Variants in IL1RAPL1 observed in about 807,000 individuals in gnomAD.
IL1RAPL1 encodes interleukin 1 receptor accessory protein like 1.
A neutral mutation model predicts 48.4 loss-of-function variants in IL1RAPL1; 3 were observed. The ratio of observed to expected loss-of-function variants is 0.06; its 90% CI spans 0.03 to 0.16. The LOEUF is 0.16. Among genes scored for constraint, IL1RAPL1 ranks in the 10% least tolerant of loss-of-function variants. The pLI is 1.00. For synonymous variants in IL1RAPL1, 185 were observed against 187.7 expected, an observed-to-expected ratio of 0.99 and a Z score of 0.12; for missense variants, 349 against 530.6, an observed-to-expected ratio of 0.66 and a Z score of 3.36.
rs182141610 is a variant in IL1RAPL1, at chrX:29,803,048, T to G, written c.779-114416T>G. Among the ~76,000 whole-genome samples the G allele has an allele frequency of 5.9e-3, 484 of 82,562 alleles. 24 individuals are homozygous for G. Among genetic ancestry groups the G allele is most frequent in the African/African-American group, 0.022 (453 of 20,260 alleles). 71.7% of individuals were successfully genotyped at this position (82,562 alleles called of 115,157 possible). ...ATACATGTATGCATATATACATATA[T>G]GTGTACATATATATGTATGCATGTA... On this transcript the variant is annotated intron_variant, in intron 6 of 10. Coordinates refer to ENST00000378993, the MANE Select transcript of IL1RAPL1 (RefSeq NM_014271.4).
chrX:28,956,256 C>T (rs1601976588), intron 2 of IL1RAPL1, among the ~76,000 whole-genome samples: 1 of 107,551 alleles, frequency 9.3e-6, no homozygotes, highest in Non-Finnish European at 1.9e-5. Flanking sequence ...CCTTTATTTC[C>T]TTCTCCTGCC....
intron 2 of IL1RAPL1, among the ~76,000 whole-genome samples, chrX:28,962,394 G>C (rs1484905986): frequency 3.6e-5 from 4 of 111,603 alleles, no homozygotes; most frequent in African/African-American, 1.3e-4. Context: ...TGTGGTTTCA[G>C]ATAATTTTCT....
chrX:29,887,846 C>T (rs1001576429), intron 6 of IL1RAPL1, among the ~76,000 whole-genome samples: 1 of 110,986 alleles, frequency 9.0e-6, no homozygotes, highest in Non-Finnish European at 1.9e-5. Flanking sequence ...GGCTTGGATC[C>T]ACTGGTTAGT....
chrX:29,283,431 G>C (rs1317889451), intron 3 of IL1RAPL1, among the ~76,000 whole-genome samples: 1 of 112,013 alleles, frequency 8.9e-6, no homozygotes, highest in Non-Finnish European at 1.9e-5. Context: ...GATACCATCT[G>C]GGTAGCTACT....
intron 6 of IL1RAPL1, among the ~76,000 whole-genome samples, chrX:29,832,705 GTT>G (rs67136004): frequency 9.4e-5 from 8 of 85,031 alleles, no homozygotes; most frequent in Admixed American, 1.4e-4. Context: ...TTTTGTTTTT[GTT>G]TTTTTTTTTT....
At chrX:29,265,475 TTTA>T (rs1286502905) in intron 2 of IL1RAPL1, among the ~76,000 whole-genome samples, 43 of 109,063 alleles carry the variant, frequency 3.9e-4, no homozygotes, top group African/African-American at 1.4e-3. Flanking sequence ...ATTTTTTTAT[TTTA>T]TTATTATTAT....
intron 1 of IL1RAPL1, among the ~76,000 whole-genome samples, chrX:28,631,127 A>G (rs977182929): frequency 8.9e-6 from 1 of 111,825 alleles, no homozygotes; most frequent in Non-Finnish European, 1.9e-5. Flanking sequence ...GCCTCTTGAG[A>G]AGCCATACAG....
intron 6 of IL1RAPL1, among the ~76,000 whole-genome samples, chrX:29,783,591 G>A (rs1243236211): frequency 1.8e-5 from 2 of 111,932 alleles, no homozygotes; most frequent in East Asian, 5.7e-4. Flanking sequence ...AAATCATAAT[G>A]TCTAGAAAGG....
chrX:28,836,964 A>G (rs1191066756), intron 2 of IL1RAPL1, among the ~76,000 whole-genome samples: 1 of 110,022 alleles, frequency 9.1e-6, no homozygotes, highest in African/African-American at 3.3e-5. Flanking sequence ...TGTGGTTGGC[A>G]CCTTGAAAAA....
In IL1RAPL1 at chrX:29,381,833, A is replaced by AATATAT. The variant is rs35091339; in HGVS notation, c.363-14399_363-14394dup. On this transcript the variant is annotated intron_variant, in intron 3 of 10. Coordinates refer to ENST00000378993, the MANE Select transcript of IL1RAPL1 (RefSeq NM_014271.4). The stretch of plus-strand genomic sequence containing the variant: ...TGTTGCCAAAAAAAAAAAAAAAAAA[A>AATATAT]ATATATATATATATATATATATATA... 9.1e-3 allele frequency among the ~76,000 whole-genome samples: 231 copies of AATATAT among 25,271 alleles called. 3 individuals carry two copies. Among genetic ancestry groups the AATATAT allele is most frequent in the South Asian group, 0.031 (12 of 388 alleles). 21.9% of individuals were successfully genotyped at this position (25,271 alleles called of 115,157 possible).
In IL1RAPL1 at chrX:29,419,598, G is replaced by A. The variant is rs185102546; in HGVS notation, c.703+20290G>A. ...GGCCTCCCAAAATGCTGGGATTACA[G>A]GCATGAGCCACCGTGCCCGGCCTAC... On this transcript the variant is annotated intron_variant, in intron 5 of 10. Transcript: ENST00000378993. Among the ~76,000 whole-genome samples, 244 of 111,993 alleles carry A rather than the reference G, an allele frequency of 2.2e-3. 1 individual carries two copies. The highest frequency in any genetic ancestry group is 7.5e-3 in the African/African-American group (232 of 30,827).
intron 1 of IL1RAPL1, among the ~76,000 whole-genome samples, chrX:28,752,122 T>TA (rs1936051289): frequency 8.9e-6 from 1 of 112,327 alleles, no homozygotes; most frequent in South Asian, 3.7e-4. Flanking sequence ...CTTTTATTTT[T>TA]AAAAAATGGG....
chrX:29,821,276 C>T (rs996568786), intron 6 of IL1RAPL1, among the ~76,000 whole-genome samples: 8 of 109,174 alleles, frequency 7.3e-5, no homozygotes, highest in African/African-American at 2.0e-4. Flanking sequence ...GGTGAAACCC[C>T]GTCTCTACTA....
chrX:28,719,539 G>A (rs1442813010), intron 1 of IL1RAPL1, among the ~76,000 whole-genome samples: 1 of 110,030 alleles, frequency 9.1e-6, no homozygotes, highest in Non-Finnish European at 1.9e-5. Context: ...TTTTTTAAAT[G>A]TAAGCTTTGG....
chrX:28,685,090 A>G (rs1935097190), intron 1 of IL1RAPL1, among the ~76,000 whole-genome samples: 2 of 112,154 alleles, frequency 1.8e-5, no homozygotes, highest in Admixed American at 9.5e-5. Flanking sequence ...TTAACCTTCT[A>G]CCAATTAAAT....
At chrX:29,165,364 A>G (rs1929768069) in intron 2 of IL1RAPL1, among the ~76,000 whole-genome samples, 2 of 111,945 alleles carry the variant, frequency 1.8e-5, no homozygotes, top group Non-Finnish European at 1.9e-5. Flanking sequence ...AAATTAAACT[A>G]ACAGCTAACT....
rs770118216 is a variant in IL1RAPL1, at chrX:29,153,611, C to T, written c.83-129327C>T. Among the ~76,000 whole-genome samples, 153 of 112,492 alleles carry T rather than the reference C, an allele frequency of 1.4e-3. 1 individual carries two copies. Among genetic ancestry groups the T allele is most frequent in the Non-Finnish European group, 2.2e-3 (116 of 53,298 alleles). The stretch of plus-strand genomic sequence containing the variant: ...TTAGAAAATTAGACTTCCATGTGTA[C>T]ACATAATAGTTCTGCTACTTGAGAT... On this transcript the variant is annotated intron_variant, in intron 2 of 10. Coordinates refer to ENST00000378993, the MANE Select transcript of IL1RAPL1 (RefSeq NM_014271.4).
intron 6 of IL1RAPL1, among the ~76,000 whole-genome samples, chrX:29,717,283 T>C (rs1050173458): frequency 1.2e-4 from 13 of 110,192 alleles, no homozygotes; most frequent in African/African-American, 4.0e-4. Flanking sequence ...GTAAAGTCTG[T>C]CCTGATGGGA....
intron 5 of IL1RAPL1, among the ~76,000 whole-genome samples, chrX:29,634,109 G>A (rs1194848366): frequency 6.2e-5 from 7 of 112,020 alleles, no homozygotes; most frequent in Admixed American, 4.8e-4. Context: ...TTGAAAGATC[G>A]TGAGTCGATA....
Sources: gnomAD v4.1 joint callset for allele counts (sites outside exome capture counted in the v4.1 genomes callset) on GRCh38, gnomAD v4.1.1 for gene constraint, MANE v1.5 for transcripts, NCBI Gene and HGNC (gene_info 2026-07-23, HGNC 2026-07-21) for gene names.